FDFT1: variants seen among roughly 807,000 people sequenced by gnomAD.
The protein encoded by FDFT1 is farnesyl-diphosphate farnesyltransferase 1.
Under a neutral mutation model 46.8 loss-of-function variants are expected in FDFT1, and 68 were observed. The observed-to-expected ratio is 1.45, with a 90% CI of 1.19 to 1.78. The LOEUF (loss-of-function observed/expected upper bound fraction) is 1.78, where lower values mean the gene tolerates loss of function less well. Ranked by LOEUF, FDFT1 falls within the 40% of genes most tolerant of loss-of-function variation. The pLI, the probability that FDFT1 is intolerant of heterozygous loss-of-function variation, is 0.00. For missense variants in FDFT1, 928 were observed against 524.4 expected (o/e 1.77, Z -7.52); for synonymous variants, 351 against 185.1 (o/e 1.90, Z -7.28).
intron 3 of FDFT1, among the ~76,000 whole-genome samples, chr8:11,811,623 G>C (rs985705230): frequency 2.3e-4 from 35 of 152,204 alleles, no homozygotes; most frequent in African/African-American, 8.2e-4. Flanking sequence ...ATAATGCTTA[G>C]TTCTGGAAGG....
chr8:11,805,793 T>C (rs1009952347), intron 1 of FDFT1, among the ~76,000 whole-genome samples: 7 of 152,238 alleles, frequency 4.6e-5, no homozygotes, highest in African/African-American at 1.7e-4. Flanking sequence ...ACTAGGGTTG[T>C]ATATGCATTT....
In FDFT1 at chr8:11,830,370, C is replaced by G. The variant is rs759481784; in HGVS notation, c.829C>G (p.Leu277Val). 4 of 1,613,868 alleles carry G rather than the reference C, an allele frequency of 2.5e-6. No individual in the cohort carries two copies. Among genetic ancestry groups the G allele is most frequent in the Non-Finnish European group, 3.4e-6 (4 of 1,179,844 alleles). ...LHHIPDVITY[L>V]SRLRNQSVFN... Reference sequence around the variant, plus strand: ...CCACATCCCAGATGTCATCACCTACCTTTCGAGACTCAGAAACCAGAGTGT... The same window carrying G: ...CCACATCCCAGATGTCATCACCTACGTTTCGAGACTCAGAAACCAGAGTGT... Residue 277 changes from leucine to valine, a missense_variant, in exon 6 of 8, where the codon CTT becomes GTT. Leu to Val is a conservative substitution (Grantham distance 32). Coordinates refer to ENST00000220584, the MANE Select transcript of FDFT1 (RefSeq NM_004462.5).
At chr8:11,820,972 C>G (rs1316631166) in intron 3 of FDFT1, among the ~76,000 whole-genome samples, 1 of 152,216 alleles carries the variant, frequency 6.6e-6, no homozygotes, top group East Asian at 1.9e-4. Flanking sequence ...GAGCTGTAGA[C>G]CAGAGCTGTT....
At chr8:11,819,148 A>G (rs992479283) in intron 3 of FDFT1, among the ~76,000 whole-genome samples, 1 of 151,982 alleles carries the variant, frequency 6.6e-6, no homozygotes, top group Non-Finnish European at 1.5e-5. Flanking sequence ...CTGGGTTGAA[A>G]ATTCTTTAAG....
At chr8:11,829,708 C>G (rs945740566) in intron 5 of FDFT1, among the ~76,000 whole-genome samples, 2 of 152,196 alleles carry the variant, frequency 1.3e-5, no homozygotes, top group Non-Finnish European at 2.9e-5. Flanking sequence ...CAATACGTAA[C>G]TCACTTCCAG....
At chr8:11,831,459 GATA>G (rs1810774464) in intron 6 of FDFT1, 56 bp from the exon 7 acceptor site, 1 of 1,493,950 alleles carries the variant, frequency 6.7e-7, no homozygotes, top group South Asian at 1.2e-5. Context: ...ACCTTTTTGT[GATA>G]ATGATAGCTA....
At chr8:11,825,052 A>G (rs954253979) in intron 4 of FDFT1, among the ~76,000 whole-genome samples, 3 of 152,170 alleles carry the variant, frequency 2.0e-5, no homozygotes, top group Non-Finnish European at 4.4e-5. Context: ...CAGAGTTCTT[A>G]AAACCGTGTC....
At chr8:11,830,554 G>A (rs553048453) in intron 6 of FDFT1, 134 bp downstream of exon 6, 6 of 657,834 alleles carry the variant, frequency 9.1e-6, no homozygotes, top group African/African-American at 5.4e-5. Context: ...TACGCTGGGA[G>A]TTTCATAGCA....
At chr8:11,824,318 GAAA>G (rs1014927384) in intron 4 of FDFT1, among the ~76,000 whole-genome samples, 2 of 150,938 alleles carry the variant, frequency 1.3e-5, no homozygotes, top group Non-Finnish European at 3.0e-5. Context: ...TGCTGTCGCG[GAAA>G]AAAAAAGTAT....
At chr8:11,801,695 G>T (rs1375679371), upstream of FDFT1, 1 of 241,614 alleles carries the variant, frequency 4.1e-6, no homozygotes, top group Non-Finnish European at 8.1e-6. Flanking sequence ...TAGCCAGTAG[G>T]TTTTTTTTTT....
intron 7 of FDFT1, among the ~76,000 whole-genome samples, chr8:11,833,043 C>G (rs1216896841): frequency 3.9e-5 from 6 of 152,172 alleles, no homozygotes; most frequent in African/African-American, 1.4e-4. Context: ...TTATCTGACA[C>G]AGAAATGCTG....
Position 11,821,743 on chromosome 8 carries a change from A to T in FDFT1, c.382-7A>T. 6.2e-7 allele frequency: 1 copy of T among 1,612,756 alleles called. No homozygotes were observed. The highest frequency in any genetic ancestry group is 8.5e-7 in the Non-Finnish European group (1 of 1,179,090). ...TGATTTCTGTGTTTTTACGGTTTCC[A>T]TTTCAGATCTCCCTTGAGTTTAGAA... On this transcript the variant is annotated splice_region_variant and splice_polypyrimidine_tract_variant and intron_variant, in intron 3 of 7. Coordinates refer to ENST00000220584, the MANE Select transcript of FDFT1 (RefSeq NM_004462.5).
intron 1 of FDFT1, 199 bp from the exon 2 acceptor site, chr8:11,808,595 C>T (rs1807225349): frequency 7.9e-6 from 11 of 1,389,688 alleles, no homozygotes; most frequent in South Asian, 1.6e-5. Flanking sequence ...CCGCGGCGCC[C>T]AGGGGCCCGG....
chr8:11,820,496 G>A (rs981374764), intron 3 of FDFT1, among the ~76,000 whole-genome samples: 1 of 152,028 alleles, frequency 6.6e-6, no homozygotes, highest in African/African-American at 2.4e-5. Context: ...GAGCTGCGGT[G>A]GGCTCCACCC....
intron 7 of FDFT1, among the ~76,000 whole-genome samples, chr8:11,834,338 C>T (rs947480077): frequency 3.3e-5 from 5 of 152,212 alleles, no homozygotes; most frequent in Admixed American, 3.3e-4. Context: ...AGAAGATCAA[C>T]CTGCTATTTT....
chr8:11,812,408 G>T (rs1190307212), intron 3 of FDFT1, among the ~76,000 whole-genome samples: 1 of 152,184 alleles, frequency 6.6e-6, no homozygotes, highest in Non-Finnish European at 1.5e-5. Flanking sequence ...CCGAGGGCTG[G>T]GATATCCTCT....
chr8:11,816,224 T>C (rs1808426930), intron 3 of FDFT1, among the ~76,000 whole-genome samples: 2 of 152,362 alleles, frequency 1.3e-5, no homozygotes, highest in African/African-American at 4.8e-5. Flanking sequence ...TCCATTGGTG[T>C]ACATATCTGT....
chr8:11,810,854 G>C lies in FDFT1; in HGVS notation c.381+1004G>C, dbSNP rs556945069. Among the ~76,000 whole-genome samples the C allele has an allele frequency of 8.1e-4, 122 of 150,474 alleles. 1 individual carries two copies. The highest frequency in any genetic ancestry group is 3.5e-3 in the Middle Eastern group (1 of 286). On this transcript the variant is annotated intron_variant, in intron 3 of 7. Transcript: ENST00000220584. ...AACAAACCTAATCTGTAGCTGAGTT[G>C]GGAGGGAGCTAAGTGGACAGAGAGT...
chr8:11,811,387 T>G (rs1191224237), intron 3 of FDFT1, among the ~76,000 whole-genome samples: 1 of 152,212 alleles, frequency 6.6e-6, no homozygotes, highest in Non-Finnish European at 1.5e-5. Flanking sequence ...ACATTTGACT[T>G]GAGTGGATTC....
Sources: allele counts gnomAD v4.1 joint callset (sites outside exome capture counted in the v4.1 genomes callset), GRCh38; gene constraint gnomAD v4.1.1; transcripts MANE v1.5; gene names NCBI Gene and HGNC (gene_info 2026-07-23, HGNC 2026-07-21).